Variants in WDFY4 observed in about 807,000 individuals in gnomAD.
WDFY4 encodes WDFY family member 4.
Under a neutral mutation model 351.9 loss-of-function variants are expected in WDFY4, and 169 were observed. The observed-to-expected ratio is 0.48, with a 90% CI of 0.42 to 0.55. The LOEUF (loss-of-function observed/expected upper bound fraction) is 0.55, where lower values mean the gene tolerates loss of function less well. Ranked by LOEUF, WDFY4 falls within the 20% of genes least tolerant of loss-of-function variation. WDFY4 has a pLI of 0.00. For missense variants in WDFY4, 3,803 were observed against 3,935.6 expected, an observed-to-expected ratio of 0.97 and a Z score of 0.90; for synonymous variants, 1,622 against 1,574.6, an observed-to-expected ratio of 1.03 and a Z score of -0.71.
intron 2 of WDFY4, among the ~76,000 whole-genome samples, chr10:48,712,516 A>T (rs1327601833): frequency 4.6e-5 from 7 of 152,220 alleles, no homozygotes; most frequent in Non-Finnish European, 1.0e-4. Context: ...GTATTATTTT[A>T]TTAAGTCCTA....
In WDFY4 at chr10:48,786,829, G is replaced by A; in HGVS notation, c.3767G>A (p.Gly1256Asp). 6.4e-7 allele frequency: 1 copy of A among 1,552,144 alleles called. No individual in the cohort carries two copies. The highest frequency in any genetic ancestry group is 8.7e-7 in the Non-Finnish European group (1 of 1,147,098). ...METLEVINKL[G>D]PRYCGNFQAV... is the part of the protein sequence containing the mutation. Reference sequence around the variant, plus strand: ...ACTCTGGAAGTTATTAACAAACTTGGCCCAAGATATTGTGGTAACTTCCAA... The same window carrying A: ...ACTCTGGAAGTTATTAACAAACTTGACCCAAGATATTGTGGTAACTTCCAA... Residue 1256 changes from glycine to aspartate, a missense_variant, in exon 20 of 62, where the codon GGC becomes GAC. Physicochemically the swap from Gly to Asp is moderately conservative, Grantham distance 94. Transcript: ENST00000325239.
At chr10:48,801,904 T>C (rs1303586132) in intron 24 of WDFY4, among the ~76,000 whole-genome samples, 1 of 152,140 alleles carries the variant, frequency 6.6e-6, no homozygotes, top group Non-Finnish European at 1.5e-5. Flanking sequence ...AGGTTGAGTA[T>C]TGACCCTATG....
chr10:48,781,420 C>T (rs2066221513), intron 19 of WDFY4, among the ~76,000 whole-genome samples: 2 of 152,112 alleles, frequency 1.3e-5, no homozygotes, highest in Admixed American at 6.5e-5. Context: ...TCTCAACCTC[C>T]TGACTAGGTG....
intron 43 of WDFY4, 37 bp from the exon 44 acceptor site, chr10:48,890,542 C>T: frequency 6.4e-7 from 1 of 1,551,192 alleles, no homozygotes; most frequent in Non-Finnish European, 8.7e-7. Flanking sequence ...GGCATGCTTC[C>T]TGTGCACCAC....
At chr10:48,913,934 G>T in intron 47 of WDFY4, 3 of 1,614,110 alleles carry the variant, frequency 1.9e-6, no homozygotes, top group Non-Finnish European at 1.7e-6. Flanking sequence ...GCCACCGGAG[G>T]TTCTGGAACT....
intron 31 of WDFY4, among the ~76,000 whole-genome samples, chr10:48,815,095 G>T (rs2067576776): frequency 6.6e-6 from 1 of 152,182 alleles, no homozygotes; most frequent in African/African-American, 2.4e-5. Flanking sequence ...TAGTATAGCA[G>T]GTCAAAGTGT....
At chr10:48,964,234 A>T (rs1841982820) in intron 54 of WDFY4, among the ~76,000 whole-genome samples, 180 bp downstream of exon 54, 1 of 152,342 alleles carries the variant, frequency 6.6e-6, no homozygotes. Flanking sequence ...GATGCATATG[A>T]TGACATCATT....
chr10:48,823,862 G>A, intron 35 of WDFY4: 1 of 986,184 alleles, frequency 1.0e-6, no homozygotes, highest in Non-Finnish European at 1.2e-6. Flanking sequence ...AGACCCATCT[G>A]AGGAGCAGGA....
chr10:48,785,225 A>G (rs929955347), intron 19 of WDFY4, among the ~76,000 whole-genome samples: 7 of 152,130 alleles, frequency 4.6e-5, no homozygotes, highest in Non-Finnish European at 8.8e-5. Flanking sequence ...ATGTGTGTCT[A>G]TATATATACA....
At chr10:48,811,849 G>GCT in intron 30 of WDFY4, 141 bp downstream of exon 30, 1 of 850,662 alleles carries the variant, frequency 1.2e-6, no homozygotes, top group Non-Finnish European at 1.8e-6. Flanking sequence ...TCCCTCCCTA[G>GCT]CAGCCCACAC....
intron 22 of WDFY4, among the ~76,000 whole-genome samples, 162 bp from the exon 23 acceptor site, chr10:48,790,565 A>G (rs1313982552): frequency 6.6e-6 from 1 of 152,122 alleles, no homozygotes; most frequent in African/African-American, 2.4e-5. Context: ...GACTTTCAGA[A>G]CCTCCTGCTC....
chr10:48,821,047 G>T lies in WDFY4; in HGVS notation c.5710-15G>T, dbSNP rs554522849. ...GCCCTGTGGTTGCTGTCTCAGTCCCGGGCTGTGCTTCCAGGCTTCTCCAGA... is the reference window on the plus strand; with the variant it reads ...GCCCTGTGGTTGCTGTCTCAGTCCCTGGCTGTGCTTCCAGGCTTCTCCAGA... On this transcript the variant is annotated splice_polypyrimidine_tract_variant and intron_variant, in intron 33 of 61. Transcript: ENST00000325239. The T allele has an allele frequency of 4.5e-6, 7 of 1,544,912 alleles. No individual in the cohort carries two copies. Among genetic ancestry groups the T allele is most frequent in the South Asian group, 1.2e-5 (1 of 83,922 alleles).
intron 47 of WDFY4, chr10:48,913,538 C>A (rs1838207033): frequency 2.5e-6 from 4 of 1,614,000 alleles, no homozygotes; most frequent in Non-Finnish European, 3.4e-6. Flanking sequence ...AAGCCGCACA[C>A]AGATCCTTCT....
At chr10:48,963,121 CCA>C (rs1307194067) in intron 53 of WDFY4, among the ~76,000 whole-genome samples, 2 of 152,296 alleles carry the variant, frequency 1.3e-5, no homozygotes, top group East Asian at 3.9e-4. Context: ...GGATCAAAAA[CCA>C]CACATGAGCC....
intron 51 of WDFY4, 22 bp downstream of exon 51, chr10:48,946,991 T>TACACACACACACACACAC (rs57927796): frequency 3.7e-5 from 41 of 1,100,264 alleles, no homozygotes; most frequent in African/African-American, 3.5e-4. Context: ...CCACTCTCTG[T>TACACACACACACACACAC]ACACACACAC....
At chr10:48,830,945 C>T (rs1036560156) in intron 38 of WDFY4, 60 bp downstream of exon 38, 38 of 1,506,486 alleles carry the variant, frequency 2.5e-5, no homozygotes, top group Middle Eastern at 3.8e-4. Flanking sequence ...GCCAGACTCC[C>T]GCAAGGTTCA....
chr10:48,737,854 A>G (rs2064722962), intron 11 of WDFY4, among the ~76,000 whole-genome samples: 4 of 152,360 alleles, frequency 2.6e-5, no homozygotes, highest in Admixed American at 1.3e-4. Flanking sequence ...CCTTAGATTC[A>G]TGTGGTCCAA....
rs149685792 is a variant in WDFY4, at chr10:48,838,121, G to A, written c.6663+5412G>A. ...TAAGAATTAACAGAATGGGATGAGA[G>A]GGCACCAGAAGCGTGAGGATGATCC... is the stretch of plus-strand genomic sequence containing the variant. On this transcript the variant is annotated intron_variant, in intron 39 of 61. Coordinates refer to ENST00000325239, the MANE Select transcript of WDFY4 (RefSeq NM_001394531.1). Among the ~76,000 whole-genome samples the A allele has an allele frequency of 4.7e-3, 719 of 152,324 alleles. 4 individuals are homozygous for A. Among genetic ancestry groups the A allele is most frequent in the African/African-American group, 0.016 (677 of 41,576 alleles).
intron 43 of WDFY4, among the ~76,000 whole-genome samples, chr10:48,879,960 C>T (rs73294611): frequency 0.036 from 5,423 of 152,284 alleles, 335 homozygotes; most frequent in African/African-American, 0.12. Flanking sequence ...CACACATAAT[C>T]CAGGGTCACA....
Sources: allele counts gnomAD v4.1 joint callset (sites outside exome capture counted in the v4.1 genomes callset), GRCh38; gene constraint gnomAD v4.1.1; transcripts MANE v1.5; gene names NCBI Gene and HGNC (gene_info 2026-07-23, HGNC 2026-07-21).